Variants in ATG16L1 observed in about 807,000 individuals in gnomAD.
ATG16L1 encodes the protein autophagy-related protein 16-1.
Under a neutral mutation model 88.5 loss-of-function variants are expected in ATG16L1, and 37 were observed. The ratio of observed to expected loss-of-function variants is 0.42; its 90% confidence interval spans 0.32 to 0.55. The LOEUF (loss-of-function observed/expected upper bound fraction) is 0.55. Ranked by LOEUF, ATG16L1 falls within the 20% of genes least tolerant of loss-of-function variation. The pLI is 0.13. For synonymous variants in ATG16L1, 301 were observed against 281.0 expected (o/e 1.07, Z -0.71); for missense variants, 554 against 752.8 (o/e 0.74, Z 3.09).
At chr2:233,269,579 A>T (rs371755365) in intron 5 of ATG16L1, among the ~76,000 whole-genome samples, 1 of 152,242 alleles carries the variant, frequency 6.6e-6, no homozygotes, top group Non-Finnish European at 1.5e-5. Flanking sequence ...ATCTGAGAAA[A>T]TTCGAAATCT....
intron 9 of ATG16L1, 129 bp from the exon 10 acceptor site, chr2:233,277,439 G>C (rs1211533066): frequency 1.3e-6 from 1 of 770,638 alleles, no homozygotes; most frequent in Admixed American, 2.2e-5. Flanking sequence ...GTCCAGTTTA[G>C]TTTATGATTG....
intron 7 of ATG16L1, chr2:233,273,388 C>T (rs1306961204): frequency 8.2e-6 from 4 of 490,202 alleles, no homozygotes; most frequent in East Asian, 3.4e-5. Context: ...CCGCCCGCAC[C>T]GCCCTTCAAG....
chr2:233,277,525 G>A (rs763651918), intron 9 of ATG16L1, 43 bp from the exon 10 acceptor site: 11 of 1,575,074 alleles, frequency 7.0e-6, no homozygotes, highest in Middle Eastern at 1.7e-4. Flanking sequence ...TGAGCTCTTG[G>A]GATGAGAATG....
At chr2:233,257,223 G>A (rs111359684) in intron 2 of ATG16L1, among the ~76,000 whole-genome samples, 4,052 of 152,000 alleles carry the variant, frequency 0.027, 187 homozygotes, top group African/African-American at 0.092. Flanking sequence ...TAGAGACGGG[G>A]TTTCACCGTG....
intron 2 of ATG16L1, among the ~76,000 whole-genome samples, chr2:233,260,367 G>A (rs1481085198): frequency 6.6e-6 from 1 of 152,188 alleles, no homozygotes; most frequent in African/African-American, 2.4e-5. Context: ...CTCTGGGGGT[G>A]GGGCCTGGTA....
intron 12 of ATG16L1, among the ~76,000 whole-genome samples, chr2:233,289,377 A>ATGTGTGTGTG (rs56993445): frequency 0.023 from 2,933 of 129,102 alleles, 89 homozygotes; most frequent in African/African-American, 0.058. Flanking sequence ...CCTGTTTGGG[A>ATGTGTGTGTG]TGTGTGTGTG....
chr2:233,257,470 T>C (rs553717178), intron 2 of ATG16L1, among the ~76,000 whole-genome samples: 2 of 152,340 alleles, frequency 1.3e-5, no homozygotes, highest in East Asian at 1.9e-4. Context: ...CAACAACTTA[T>C]TATAAAATAG....
chr2:233,284,371 G>A (rs918278008), intron 12 of ATG16L1, among the ~76,000 whole-genome samples: 5 of 151,330 alleles, frequency 3.3e-5, no homozygotes, highest in African/African-American at 9.7e-5. Context: ...TTGCTCTGTC[G>A]CCCAGGCTAG....
chr2:233,293,102 T>C (rs1699573108), intron 16 of ATG16L1, among the ~76,000 whole-genome samples, 154 bp from the exon 17 acceptor site: 2 of 152,190 alleles, frequency 1.3e-5, no homozygotes, highest in Admixed American at 1.3e-4. Flanking sequence ...CAGATTTGGC[T>C]GGAAGGGCCA....
chr2:233,260,995 G>A (rs1697169089), intron 2 of ATG16L1, among the ~76,000 whole-genome samples: 1 of 151,886 alleles, frequency 6.6e-6, no homozygotes, highest in Non-Finnish European at 1.5e-5. Flanking sequence ...TTGCTCTGTC[G>A]CCCAGGCTGG....
At chr2:233,288,512 G>A (rs1293075552) in intron 12 of ATG16L1, among the ~76,000 whole-genome samples, 2 of 152,100 alleles carry the variant, frequency 1.3e-5, no homozygotes, top group Non-Finnish European at 2.9e-5. Context: ...AAACTCCTGG[G>A]CTCAAGCAAT....
At chr2:233,252,030 C>G in intron 1 of ATG16L1, 88 bp downstream of exon 1, 4 of 1,159,762 alleles carry the variant, frequency 3.4e-6, no homozygotes, top group Non-Finnish European at 4.6e-6. Context: ...GGCCGAGTCC[C>G]TGGCGCCGCC....
chr2:233,291,769 G>C (rs1489086388), intron 14 of ATG16L1, among the ~76,000 whole-genome samples: 1 of 152,202 alleles, frequency 6.6e-6, no homozygotes, highest in Non-Finnish European at 1.5e-5. Context: ...ACTAATGCAG[G>C]TTTCTTTGCC....
At position 233,251,819 on chromosome 2, in the gene ATG16L1, G is replaced by C; in HGVS notation, c.-9G>C. 1 of 1,549,400 alleles carries C rather than the reference G, an allele frequency of 6.5e-7. No individual in the cohort carries two copies. Among genetic ancestry groups the C allele is most frequent in the Non-Finnish European group, 8.7e-7 (1 of 1,146,560 alleles). On this transcript the variant is annotated 5_prime_UTR_variant, in exon 1 of 18. Coordinates refer to ENST00000392017, the MANE Select transcript of ATG16L1 (RefSeq NM_030803.7). ...TTGGTGGCGCTGAGGTGCCGGGGCA[G>C]CAAGTGACATGTCGTCGGGCCTCCG...
rs888050239 is a variant in ATG16L1, at chr2:233,271,748, G to A, written c.708-1218G>A. 3.9e-5 allele frequency among the ~76,000 whole-genome samples: 6 copies of A among 152,360 alleles called. No individual in the cohort carries two copies. The South Asian group carries it at 1.2e-3, about 32-fold the overall frequency. On this transcript the variant is annotated intron_variant, in intron 6 of 17. Coordinates refer to ENST00000392017, the MANE Select transcript of ATG16L1 (RefSeq NM_030803.7). ...AAAATTCTATTTTCAACAGGACATTGTCAAAGGCTCAGCTCATATTTGCAG... is the reference window on the plus strand; with the variant it reads ...AAAATTCTATTTTCAACAGGACATTATCAAAGGCTCAGCTCATATTTGCAG...
chr2:233,260,028 A>C (rs1361475058), intron 2 of ATG16L1, among the ~76,000 whole-genome samples: 1 of 152,164 alleles, frequency 6.6e-6, no homozygotes, highest in Admixed American at 6.5e-5. Flanking sequence ...AGACCAACTC[A>C]AAGGGACATT....
At chr2:233,292,935 G>A (rs566286371) in intron 16 of ATG16L1, among the ~76,000 whole-genome samples, 5 of 152,332 alleles carry the variant, frequency 3.3e-5, no homozygotes, top group Non-Finnish European at 7.3e-5. Context: ...TAACAAGGCA[G>A]TCCATGGGCT....
At chr2:233,289,578 A>C (rs926286600) in intron 12 of ATG16L1, among the ~76,000 whole-genome samples, 2 of 152,116 alleles carry the variant, frequency 1.3e-5, no homozygotes, top group South Asian at 4.1e-4. Flanking sequence ...TTTTGTAGAG[A>C]TGGGGGTTTC....
chr2:233,290,066 T>C (rs1699360996), intron 13 of ATG16L1, 92 bp downstream of exon 13: 17 of 1,577,706 alleles, frequency 1.1e-5, no homozygotes, highest in Non-Finnish European at 1.5e-5. Context: ...TTATGTAATA[T>C]AGTTTGAATT....
Sources: allele counts gnomAD v4.1 joint callset (sites outside exome capture counted in the v4.1 genomes callset), GRCh38; gene constraint gnomAD v4.1.1; transcripts MANE v1.5; gene names NCBI Gene and HGNC (gene_info 2026-07-23, HGNC 2026-07-21).